Variants in CD70 observed in about 807,000 individuals in gnomAD.
CD70 encodes CD70 antigen.
A neutral mutation model predicts 9.0 loss-of-function variants in CD70; 6 were observed. That is an observed-to-expected ratio of 0.67 (90% CI 0.37 to 1.32). CD70 has a LOEUF of 1.32. Among genes scored for constraint, CD70 ranks in the 40% most tolerant of loss-of-function variants. The pLI, the probability that CD70 is intolerant of heterozygous loss-of-function variation, is 0.02. For synonymous variants in CD70, 108 were observed against 112.3 expected (o/e 0.96, Z 0.24); for missense variants, 235 against 258.7 (o/e 0.91, Z 0.63).
downstream of CD70, chr19:6,583,451 A>C: frequency 1.5e-6 from 1 of 661,622 alleles, no homozygotes; most frequent in Non-Finnish European, 2.8e-6. Flanking sequence ...CTTGACTTTG[A>C]GTCCCCAGTT....
At chr19:6,585,702 T>C (rs1299687287), downstream of CD70, 5 of 248,078 alleles carry the variant, frequency 2.0e-5, no homozygotes, top group Non-Finnish European at 3.9e-5. Flanking sequence ...TGAGACAGAG[T>C]CTTGCTCTGT....
In CD70 at chr19:6,590,275, A is replaced by C; in HGVS notation, c.163-139T>G. On this transcript the variant is annotated intron_variant, in intron 1 of 2. Coordinates refer to ENST00000245903, the MANE Select transcript of CD70 (RefSeq NM_001252.5). The surrounding 1 kb of genome is among the most constrained non-coding windows in gnomAD (Gnocchi z 5.3). Reference sequence around the variant, plus strand: ...CGGCGCGCACTGGTGATTTTATTTCATTTTATTTTTTTTTACTCTTAAGAC... The same window carrying C: ...CGGCGCGCACTGGTGATTTTATTTCCTTTTATTTTTTTTTACTCTTAAGAC... The C allele has an allele frequency of 1.5e-6, 1 of 678,764 alleles. No individual in the cohort carries two copies. The highest frequency in any genetic ancestry group is 2.4e-5 in the Admixed American group (1 of 42,140). The allele number at this position is 678,764 out of a possible 1,614,324, so 42.0% of individuals were successfully genotyped here.
rs1568432722 is a variant in CD70, at chr19:6,590,933, C to G, written c.70G>C (p.Val24Leu). ...PYGCVLRAAL[V>L]PLVAGLVICL... ...ATCACCAAGCCCGCGACCAATGGGA[C>G]CAAAGCAGCCCGCAGGACGCACCCA... The change falls in exon 1 of 3, where the codon GTC (valine) becomes CTC (leucine). Residue 24 changes from valine (V) to leucine (L), a missense_variant. By Grantham distance (32) the Val-to-Leu change is conservative. Coordinates refer to ENST00000245903, the MANE Select transcript of CD70 (RefSeq NM_001252.5). The surrounding 1 kb of genome is among the most constrained non-coding windows in gnomAD (Gnocchi z 5.3). 6.2e-7 allele frequency: 1 copy of G among 1,614,082 alleles called. No individual in the cohort carries two copies.
At chr19:6,583,348 A>T, downstream of CD70, 1 of 701,592 alleles carries the variant, frequency 1.4e-6, no homozygotes, top group Admixed American at 2.0e-5. Context: ...GGGAACAATG[A>T]TGATTCCTCC....
intron 2 of CD70, among the ~76,000 whole-genome samples, chr19:6,587,626 C>CT (rs35792677): frequency 0.29 from 43,881 of 150,994 alleles, 6,875 homozygotes; most frequent in East Asian, 0.67. Flanking sequence ...TCCCAGGACC[C>CT]TTTTTTTTTC....
chr19:6,583,401 TA>T (rs1915955623), downstream of CD70: 1 of 701,962 alleles, frequency 1.4e-6, no homozygotes, highest in Non-Finnish European at 2.6e-6. Context: ...GTTAATGGGA[TA>T]AAACAGTGTG....
rs772596524 is a variant in CD70 at position 6,586,029 on chromosome 19, C to T, written c.573G>A (p.Val191=). The T allele has an allele frequency of 6.2e-7, 1 of 1,609,918 alleles. No individual in the cohort carries two copies. Among genetic ancestry groups the T allele is most frequent in the South Asian group, 1.1e-5 (1 of 90,980 alleles). The part of the protein sequence containing the change: ...TDETFFGVQW[V]RP ...TAATCAGCAGCAGTGGTCAGGGGCG[C>T]ACCCACTGCACTCCAAAGAAGGTCT... Residue 191 remains valine (V), a synonymous_variant, in exon 3 of 3, where the codon GTG becomes GTA. Coordinates refer to ENST00000245903, the MANE Select transcript of CD70 (RefSeq NM_001252.5).
rs143146735 is a variant in CD70 at position 6,586,197 on chromosome 19, G to A, written c.405C>T (p.Pro135=). 317 of 1,614,118 alleles carry A rather than the reference G, an allele frequency of 2.0e-4. No individual in the cohort carries two copies. The highest frequency in any genetic ancestry group is 4.5e-4 in the East Asian group (20 of 44,880). Residue 135 remains proline, a synonymous_variant, in exon 3 of 3, where the codon CCC becomes CCT. Transcript: ENST00000245903. ...GCAGCAGGCTGATGCTACGGGAGGC[G>A]GGAGAGCAGATTCCCACGGCCAGGG... The part of the protein sequence containing the change: ...PTTLAVGICS[P]ASRSISLLRL...
rs1210088759 is a variant in CD70 at position 6,591,041 on chromosome 19, TG to T, written c.-40del. The T allele has an allele frequency of 4.5e-6, 7 of 1,552,796 alleles. No homozygotes were observed. The highest frequency in any genetic ancestry group is 6.1e-6 in the Non-Finnish European group (7 of 1,149,312). On this transcript the variant is annotated 5_prime_UTR_variant, in exon 1 of 3. Coordinates refer to ENST00000245903, the MANE Select transcript of CD70 (RefSeq NM_001252.5). ...ACCTCCGCTAGCGCAGGAGGGGCGA[TG>T]GGGGCGCGGAGCGCTGCCGAGAAGG...
In CD70 at chr19:6,591,093, C is replaced by T. The variant is rs776329895; in HGVS notation, c.-91G>A. 4.9e-5 allele frequency: 66 copies of T among 1,358,976 alleles called. No homozygotes were observed. Among genetic ancestry groups the T allele is most frequent in the Non-Finnish European group, 6.2e-5 (63 of 1,020,696 alleles). 84.2% of individuals were successfully genotyped at this position (1,358,976 alleles called of 1,614,324 possible). A position where few individuals can be genotyped will look rare whatever the true frequency, so the allele number is the denominator to read the frequency against. ...AAGGAAGGAAACTGCAGCCCCCTCC[C>T]GGGGCTCCTGGGCGTCTACTTGCTT... On this transcript the variant is annotated 5_prime_UTR_variant, in exon 1 of 3. Transcript: ENST00000245903.
chr19:6,587,216 G>GAGAA (rs1486551550), intron 2 of CD70, among the ~76,000 whole-genome samples: 4 of 151,254 alleles, frequency 2.6e-5, no homozygotes, highest in Admixed American at 2.6e-4. Context: ...GAGACAGCGA[G>GAGAA]AGAGTGTGAG....
chr19:6,590,790 C>T lies in CD70; in HGVS notation c.162+51G>A. The T allele has an allele frequency of 6.7e-7, 1 of 1,483,724 alleles. No individual in the cohort carries two copies. Among genetic ancestry groups the T allele is most frequent in the Non-Finnish European group, 9.3e-7 (1 of 1,070,288 alleles). 91.9% of individuals were successfully genotyped at this position (1,483,724 alleles called of 1,614,324 possible). ...TTGTACCCATCTCATTCTGTCTTTTCGGTCACGCGCCTCTCTATGTTTTCT... is the reference window on the plus strand; with the variant it reads ...TTGTACCCATCTCATTCTGTCTTTTTGGTCACGCGCCTCTCTATGTTTTCT... On this transcript the variant is annotated intron_variant, in intron 1 of 2. Transcript: ENST00000245903. This position sits in a 1 kb window ranked among gnomAD's most constrained non-coding sequence, Gnocchi z 5.3.
chr19:6,583,058 G>A, downstream of CD70: 1 of 345,712 alleles, frequency 2.9e-6, no homozygotes, highest in Non-Finnish European at 5.3e-6. Flanking sequence ...GTGAGGGCGG[G>A]TGGCGCATGG....
chr19:6,585,972 T>G lies in CD70; in HGVS notation c.*48A>C. On this transcript the variant is annotated 3_prime_UTR_variant, in exon 3 of 3. Transcript: ENST00000245903. Reference sequence around the variant, plus strand: ...TGTGTGTACACTTTTTCTCTTGAACTTAAATAAAATAAAATAAAATTTAAA... The same window carrying G: ...TGTGTGTACACTTTTTCTCTTGAACGTAAATAAAATAAAATAAAATTTAAA... The G allele has an allele frequency of 6.9e-7, 1 of 1,442,424 alleles. No homozygotes were observed. Among genetic ancestry groups the G allele is most frequent in the Non-Finnish European group, 9.3e-7 (1 of 1,078,478 alleles). The allele number at this position is 1,442,424 out of a possible 1,614,324, so 89.4% of individuals were successfully genotyped here. A position where few individuals can be genotyped will look rare whatever the true frequency, so the allele number is the denominator to read the frequency against.
At chr19:6,585,749 A>G, downstream of CD70, 1 of 345,170 alleles carries the variant, frequency 2.9e-6, no homozygotes, top group South Asian at 3.8e-5. Flanking sequence ...ATCTCGGCTC[A>G]CTGCAACCTC....
chr19:6,587,434 G>A (rs145115195), intron 2 of CD70, among the ~76,000 whole-genome samples: 181 of 152,038 alleles, frequency 1.2e-3, no homozygotes, highest in African/African-American at 4.1e-3. Flanking sequence ...GTGTGTGAGA[G>A]AGGATGAGAG....
chr19:6,582,472 A>G (rs1172101134), downstream of CD70, among the ~76,000 whole-genome samples: 2 of 151,022 alleles, frequency 1.3e-5, no homozygotes, highest in Non-Finnish European at 2.9e-5. Flanking sequence ...TGTCATTTAC[A>G]TTAGGTATTT....
Position 6,591,003 on chromosome 19 carries a change from C to A in CD70, c.-1G>T, listed in dbSNP as rs1450773602. 12 of 1,588,530 alleles carry A rather than the reference C, an allele frequency of 7.6e-6. No homozygotes were observed. Among genetic ancestry groups the A allele is most frequent in the Non-Finnish European group, 8.6e-6 (10 of 1,164,620 alleles). ...AGCAGCCCGAACCCTCCTCCGGCATCGCCGCGGCGATCACCTCCGCTAGCG... is the reference window on the plus strand; with the variant it reads ...AGCAGCCCGAACCCTCCTCCGGCATAGCCGCGGCGATCACCTCCGCTAGCG... On this transcript the variant is annotated 5_prime_UTR_variant, in exon 1 of 3. Transcript: ENST00000245903.
chr19:6,589,819 CCT>C (rs990134451), intron 2 of CD70, among the ~76,000 whole-genome samples: 11 of 130,700 alleles, frequency 8.4e-5, no homozygotes, highest in African/African-American at 2.5e-4. Flanking sequence ...TGCGTCTCTC[CCT>C]GTTTCTTTCT....
Sources: gnomAD v4.1 joint callset for allele counts (sites outside exome capture counted in the v4.1 genomes callset) on GRCh38, gnomAD v4.1.1 for gene constraint, Gnocchi (gnomAD v3.1) non-coding constraint, MANE v1.5 for transcripts, NCBI Gene and HGNC (gene_info 2026-07-23, HGNC 2026-07-21) for gene names.